KRABD3: variants seen among roughly 807,000 people sequenced by gnomAD.
The protein encoded by KRABD3 is KRAB domain-containing protein 3.
the KRABD3 span, among the ~76,000 whole-genome samples, chr7:149,726,437 ATT>A: frequency 1.7e-4 from 24 of 139,568 alleles, no homozygotes; most frequent in African/African-American, 2.1e-4. Flanking sequence ...TCTATACAGA[ATT>A]TTTTTTTTTT....
At chr7:149,714,959 C>G in the KRABD3 span, 1 of 1,066,302 alleles carries the variant, frequency 9.4e-7, no homozygotes, top group Non-Finnish European at 1.2e-6. Context: ...CCGCCTTCTC[C>G]TGCGCGGACC....
At chr7:149,728,372 C>A in the KRABD3 span, 1 of 912,378 alleles carries the variant, frequency 1.1e-6, no homozygotes, top group Non-Finnish European at 1.7e-6. Flanking sequence ...AAAGCAGGGC[C>A]GCGCCAGAGC....
chr7:149,727,287 G>T, the KRABD3 span, among the ~76,000 whole-genome samples: 1 of 152,244 alleles, frequency 6.6e-6, no homozygotes, highest in African/African-American at 2.4e-5. Context: ...GGCCTGTGGG[G>T]CCTGTAGAAC....
the KRABD3 span, chr7:149,715,429 G>A: frequency 6.4e-6 from 6 of 934,084 alleles, no homozygotes; most frequent in Non-Finnish European, 7.9e-6. Flanking sequence ...GAGAAACAAA[G>A]ATAGAACAAA....
chr7:149,726,729 C>T, the KRABD3 span, among the ~76,000 whole-genome samples: 2 of 151,952 alleles, frequency 1.3e-5, no homozygotes, highest in African/African-American at 2.4e-5. Flanking sequence ...TGAGCCACCG[C>T]GCCCAGCCTG....
At chr7:149,730,542 C>G in the KRABD3 span, 1 of 1,612,158 alleles carries the variant, frequency 6.2e-7, no homozygotes, top group Non-Finnish European at 8.5e-7. Context: ...AGAACAGAGC[C>G]CAGGTACTGC....
At chr7:149,721,699 AT>A in the KRABD3 span, 2 of 839,756 alleles carry the variant, frequency 2.4e-6, no homozygotes, top group Non-Finnish European at 3.9e-6. Flanking sequence ...AGGACAACAT[AT>A]TTAGCCTCTG....
At chr7:149,724,042 A>C in the KRABD3 span, among the ~76,000 whole-genome samples, 1 of 152,294 alleles carries the variant, frequency 6.6e-6, no homozygotes, top group South Asian at 2.1e-4. Context: ...CCACTGTGTA[A>C]GTGGAGCGAG....
chr7:149,724,760 C>T, the KRABD3 span: 3 of 1,572,464 alleles, frequency 1.9e-6, no homozygotes, highest in Non-Finnish European at 2.6e-6. Flanking sequence ...GGACCTGCAT[C>T]CTGTCAGCCT....
chr7:149,733,542 G>A, the KRABD3 span: 1 of 1,598,634 alleles, frequency 6.3e-7, no homozygotes, highest in South Asian at 1.1e-5. Context: ...GGACCTCGCT[G>A]GGCTCATGGC....
chr7:149,729,992 C>T, the KRABD3 span: 1 of 1,313,242 alleles, frequency 7.6e-7, no homozygotes, highest in African/African-American at 1.5e-5. Context: ...TGTCCTCTTT[C>T]TCTGGCAAGA....
chr7:149,719,573 G>A, the KRABD3 span: 32 of 1,602,286 alleles, frequency 2.0e-5, no homozygotes, highest in African/African-American at 1.1e-4. This position sits in a 1 kb window ranked among gnomAD's most constrained non-coding sequence, Gnocchi z 5.6. Context: ...GGACTTGGCC[G>A]TGCGGTTCTC....
chr7:149,717,883 C>A, the KRABD3 span, among the ~76,000 whole-genome samples: 1 of 152,328 alleles, frequency 6.6e-6, no homozygotes, highest in African/African-American at 2.4e-5. Context: ...CCTTGGCACA[C>A]TGCAAATTCT....
the KRABD3 span, among the ~76,000 whole-genome samples, chr7:149,718,734 C>T: frequency 5.9e-5 from 9 of 152,142 alleles, no homozygotes; most frequent in African/African-American, 4.8e-5. Context: ...AGCCTGGTCT[C>T]GAACTCCTGA....
the KRABD3 span, chr7:149,720,191 C>T: frequency 1.6e-5 from 25 of 1,529,326 alleles, no homozygotes; most frequent in Admixed American, 8.0e-5. Flanking sequence ...CCAGGCAATG[C>T]GTGACCTCAG....
the KRABD3 span, chr7:149,722,772 A>G: frequency 3.1e-6 from 5 of 1,592,248 alleles, no homozygotes; most frequent in South Asian, 1.1e-5. Context: ...CCCACCTTGC[A>G]TGTGCCACAG....
the KRABD3 span, chr7:149,724,894 T>C: frequency 1.4e-6 from 2 of 1,455,524 alleles, no homozygotes; most frequent in Non-Finnish European, 1.8e-6. Flanking sequence ...CCCATGGGCT[T>C]GTCAGTCCCT....
the KRABD3 span, among the ~76,000 whole-genome samples, chr7:149,731,442 G>A: frequency 2.6e-5 from 4 of 152,252 alleles, no homozygotes; most frequent in East Asian, 5.8e-4. Context: ...CTCCCCAGCC[G>A]CCTCCTCCTG....
the KRABD3 span, chr7:149,722,558 G>A: frequency 6.2e-7 from 1 of 1,608,322 alleles, no homozygotes; most frequent in Admixed American, 1.7e-5. Flanking sequence ...AGGCCGGTGA[G>A]AGGCGGGCTT....
Sources: allele counts gnomAD v4.1 joint callset (sites outside exome capture counted in the v4.1 genomes callset), GRCh38; gene constraint gnomAD v4.1.1; non-coding constraint Gnocchi (gnomAD v3.1); transcripts MANE v1.5; gene names NCBI Gene and HGNC (gene_info 2026-07-23, HGNC 2026-07-21).